The following NACC2 variants were observed in gnomAD, a reference collection of about 807,000 sequenced individuals.
NACC2 encodes NACC family member 2, also known as nucleus accumbens-associated protein 2.
In NACC2, 8 loss-of-function variants were observed where a neutral mutation model predicts 25.1. The ratio of observed to expected loss-of-function variants is 0.32; its 90% CI spans 0.19 to 0.57. NACC2 has a LOEUF of 0.57. Among genes scored for constraint, NACC2 ranks in the 20% least tolerant of loss-of-function variants. The pLI is 0.89. For synonymous variants in NACC2, 435 were observed against 294.7 expected, an observed-to-expected ratio of 1.48 and a Z score of -4.88; for missense variants, 644 against 650.2, an observed-to-expected ratio of 0.99 and a Z score of 0.10.
chr9:136,076,093 C>T (rs1055192849), intron 1 of NACC2, among the ~76,000 whole-genome samples: 4 of 152,174 alleles, frequency 2.6e-5, no homozygotes, highest in Admixed American at 2.0e-4. Context: ...AAACAGGCAC[C>T]CTTCGCGGCC....
chr9:136,043,409 C>T (rs1299107520), intron 2 of NACC2, among the ~76,000 whole-genome samples: 1 of 152,252 alleles, frequency 6.6e-6, no homozygotes, highest in East Asian at 1.9e-4. Context: ...TGGGATGTCA[C>T]TGATATTCCA....
Position 136,013,186 on chromosome 9 carries a change from C to A in NACC2, c.1255+13G>T. The A allele has an allele frequency of 6.2e-7, 1 of 1,600,698 alleles. No homozygotes were observed. Among genetic ancestry groups the A allele is most frequent in the Non-Finnish European group, 8.5e-7 (1 of 1,170,982 alleles). ...CCCGGCCCCACCCACCCGAGAGACC[C>A]CCAGGCTCTTACATTTCACAGCGTT... On this transcript the variant is annotated intron_variant, in intron 5 of 5. Transcript: ENST00000277554. The surrounding 1 kb of genome is among the most constrained non-coding windows in gnomAD (Gnocchi z 6.6).
chr9:136,016,199 C>CAATAAATA (rs144689610), intron 3 of NACC2, 66 bp downstream of exon 3: 12 of 1,560,806 alleles, frequency 7.7e-6, no homozygotes, highest in Middle Eastern at 4.2e-4. Context: ...CAGAGCTCTC[C>CAATAAATA]AATAAATAAA....
In NACC2 at chr9:136,013,191, G is replaced by A. The variant is rs747291922; in HGVS notation, c.1255+8C>T. On this transcript the variant is annotated splice_region_variant and intron_variant, in intron 5 of 5. Transcript: ENST00000277554. The surrounding 1 kb of genome is among the most constrained non-coding windows in gnomAD (Gnocchi z 6.6). ...CCCCACCCACCCGAGAGACCCCCAG[G>A]CTCTTACATTTCACAGCGTTCAGGA... 7.0e-6 allele frequency: 6 copies of A among 860,746 alleles called. No homozygotes were observed. Among genetic ancestry groups the A allele is most frequent in the South Asian group, 6.5e-5 (5 of 76,788 alleles). The allele number at this position is 860,746 out of a possible 1,614,324, so 53.3% of individuals were successfully genotyped here.
In NACC2 at chr9:136,051,193, G is replaced by T. The variant is rs1202131327; in HGVS notation, c.-59-613C>A. On this transcript the variant is annotated intron_variant, in intron 1 of 5. Coordinates refer to ENST00000277554, the MANE Select transcript of NACC2 (RefSeq NM_144653.5). ...CAGGTAGGGAATGGCTGGGGGTGCC[G>T]GGAAGTCCGCTGAAGCCGCGTCCAC... Among the ~76,000 whole-genome samples, 4 of 152,330 alleles carry T rather than the reference G, an allele frequency of 2.6e-5. No homozygotes were observed. The East Asian group carries it at 7.7e-4, about 29-fold the overall frequency.
intron 1 of NACC2, among the ~76,000 whole-genome samples, chr9:136,054,577 C>T (rs1019697541): frequency 1.3e-5 from 2 of 152,128 alleles, no homozygotes; most frequent in African/African-American, 4.8e-5. Flanking sequence ...AGGAGGGGGC[C>T]GAGGGCCCAG....
At chr9:136,089,779 TTTTC>T (rs913521350) in intron 1 of NACC2, among the ~76,000 whole-genome samples, 18 of 151,840 alleles carry the variant, frequency 1.2e-4, no homozygotes, top group Non-Finnish European at 2.9e-5. Context: ...AGCTTTTTTT[TTTTC>T]TTTTTTATTA....
In NACC2 at chr9:136,019,922, G is replaced by T. The variant is rs896114158; in HGVS notation, c.887-3493C>A. Among the ~76,000 whole-genome samples, 1 of 152,056 alleles carries T rather than the reference G, an allele frequency of 6.6e-6. No homozygotes were observed. Among genetic ancestry groups the T allele is most frequent in the Non-Finnish European group, 1.5e-5 (1 of 67,994 alleles). The stretch of plus-strand genomic sequence containing the variant: ...CCAGACACAGAAGGACACATCCCGG[G>T]GCTCCACTCGCAGGCGGCCCCCAGA... On this transcript the variant is annotated intron_variant, in intron 2 of 5. Coordinates refer to ENST00000277554, the MANE Select transcript of NACC2 (RefSeq NM_144653.5). The surrounding 1 kb of genome is among the most constrained non-coding windows in gnomAD (Gnocchi z 5.2).
chr9:136,078,839 A>T (rs1830291282), intron 1 of NACC2, among the ~76,000 whole-genome samples: 2 of 152,308 alleles, frequency 1.3e-5, no homozygotes, highest in Middle Eastern at 6.8e-3. Context: ...TGAGGCTCTC[A>T]GGGCAGGGCC....
chr9:136,041,975 G>A (rs1445468417), intron 2 of NACC2, among the ~76,000 whole-genome samples: 17 of 152,158 alleles, frequency 1.1e-4, no homozygotes, highest in Admixed American at 1.1e-3. Context: ...AAACAGCAAA[G>A]GACTACGATA....
At chr9:136,048,391 G>A (rs892138466) in intron 2 of NACC2, among the ~76,000 whole-genome samples, 1 of 152,178 alleles carries the variant, frequency 6.6e-6, no homozygotes, top group Non-Finnish European at 1.5e-5. Flanking sequence ...GCCGGAGCCC[G>A]GTGTGCTCTG....
intron 2 of NACC2, among the ~76,000 whole-genome samples, chr9:136,047,535 C>A (rs1027785734): frequency 1.4e-4 from 21 of 152,304 alleles, no homozygotes; most frequent in Middle Eastern, 6.8e-3. Context: ...GACACCCGTG[C>A]AAAGGCAGAG....
chr9:136,048,198 CT>C (rs1358261376), intron 2 of NACC2, among the ~76,000 whole-genome samples: 1 of 152,202 alleles, frequency 6.6e-6, no homozygotes, highest in Non-Finnish European at 1.5e-5. Flanking sequence ...GACAGAGCTC[CT>C]TCCCAACAGG....
intron 1 of NACC2, among the ~76,000 whole-genome samples, chr9:136,065,380 G>A (rs1841067657): frequency 1.3e-5 from 2 of 152,340 alleles, no homozygotes; most frequent in South Asian, 2.1e-4. Context: ...AGCACTTTGG[G>A]AGGCCGAGGC....
chr9:136,013,151 T>A lies in NACC2; in HGVS notation c.1255+48A>T. 2 of 955,492 alleles carry A rather than the reference T, an allele frequency of 2.1e-6. No homozygotes were observed. Among genetic ancestry groups the A allele is most frequent in the Non-Finnish European group, 1.7e-6 (1 of 603,090 alleles). 59.2% of individuals were successfully genotyped at this position (955,492 alleles called of 1,614,324 possible). A position where few individuals can be genotyped will look rare whatever the true frequency, so the allele number is the denominator to read the frequency against. On this transcript the variant is annotated intron_variant, in intron 5 of 5. Transcript: ENST00000277554. This position sits in a 1 kb window ranked among gnomAD's most constrained non-coding sequence, Gnocchi z 6.6. Reference sequence around the variant, plus strand: ...ACCCAGTCCTCCTCAGGCTGGGATCTGAACCCAGCCCCGGCCCCACCCACC... The same window carrying A: ...ACCCAGTCCTCCTCAGGCTGGGATCAGAACCCAGCCCCGGCCCCACCCACC...
At chr9:136,077,599 G>A (rs754363654) in intron 1 of NACC2, among the ~76,000 whole-genome samples, 1 of 152,100 alleles carries the variant, frequency 6.6e-6, no homozygotes, top group Non-Finnish European at 1.5e-5. Flanking sequence ...AAAGGGAAAC[G>A]CACAGAGGAG....
intron 1 of NACC2, among the ~76,000 whole-genome samples, chr9:136,075,706 G>A (rs1830256178): frequency 6.6e-6 from 1 of 152,242 alleles, no homozygotes; most frequent in South Asian, 2.1e-4. Context: ...CACGCGGGGA[G>A]GACACCCCCG....
intron 1 of NACC2, among the ~76,000 whole-genome samples, chr9:136,057,117 C>T (rs184766376): frequency 2.0e-5 from 3 of 152,306 alleles, no homozygotes; most frequent in Admixed American, 2.0e-4. Context: ...CCGATAGGGC[C>T]TTGTGGGGTG....
chr9:136,085,137 ATTTTTTTTTTTTTTT>A (rs913472378), intron 1 of NACC2, among the ~76,000 whole-genome samples: 2 of 82,770 alleles, frequency 2.4e-5, no homozygotes, highest in African/African-American at 8.8e-5. Flanking sequence ...CATTTCTACA[ATTTTTTTTTTTTTTT>A]TTTTTTTTTT....
Sources: gnomAD v4.1 joint callset for allele counts (sites outside exome capture counted in the v4.1 genomes callset) on GRCh38, gnomAD v4.1.1 for gene constraint, Gnocchi (gnomAD v3.1) non-coding constraint, MANE v1.5 for transcripts, NCBI Gene and HGNC (gene_info 2026-07-23, HGNC 2026-07-21) for gene names.